The following KAT2B variants were observed in gnomAD, a reference collection of about 807,000 sequenced individuals.
KAT2B encodes lysine acetyltransferase 2B.
Under a neutral mutation model 105.9 loss-of-function variants are expected in KAT2B, and 36 were observed. That is an observed-to-expected ratio of 0.34 (90% CI 0.26 to 0.45). The LOEUF (loss-of-function observed/expected upper bound fraction) is 0.45, where lower values mean the gene tolerates loss of function less well. Ranked by LOEUF, KAT2B falls within the 20% of genes least tolerant of loss-of-function variation. The probability of loss-of-function intolerance (pLI) is 1.00; values close to 1 mark genes in which losing one functional copy is unlikely to be tolerated. For synonymous variants in KAT2B, 397 were observed against 377.9 expected (o/e 1.05, Z -0.59); for missense variants, 820 against 1,021.6 (o/e 0.80, Z 2.69).
At chr3:20,058,348 G>A (rs529561540) in intron 1 of KAT2B, among the ~76,000 whole-genome samples, 64 of 151,580 alleles carry the variant, frequency 4.2e-4, no homozygotes, top group African/African-American at 1.5e-3. Context: ...TCAGCTACTC[G>A]GGAGGCTGAG....
At chr3:20,060,596 T>A (rs1389928099) in intron 1 of KAT2B, among the ~76,000 whole-genome samples, 1 of 147,406 alleles carries the variant, frequency 6.8e-6, no homozygotes, top group Non-Finnish European at 1.5e-5. Flanking sequence ...AGAGAAACTC[T>A]GTCTAAAAAC....
chr3:20,118,820 A>C (rs1185717399), intron 7 of KAT2B, among the ~76,000 whole-genome samples: 1 of 148,118 alleles, frequency 6.8e-6, no homozygotes, highest in East Asian at 1.9e-4. Flanking sequence ...TATTATATAT[A>C]TTTTTTCTCC....
intron 11 of KAT2B, among the ~76,000 whole-genome samples, 160 bp downstream of exon 11, chr3:20,127,709 C>G (rs1575150088): frequency 6.6e-6 from 1 of 152,216 alleles, no homozygotes; most frequent in African/African-American, 2.4e-5. Flanking sequence ...TGGTCTCCAA[C>G]CTTTTTGGCA....
intron 2 of KAT2B, 38 bp downstream of exon 2, chr3:20,072,497 C>T (rs3749180): frequency 1.3e-6 from 2 of 1,598,268 alleles, no homozygotes; most frequent in South Asian, 2.2e-5. Context: ...ATAACGAGTT[C>T]ATTGTAGCGT....
intron 2 of KAT2B, among the ~76,000 whole-genome samples, chr3:20,079,428 T>C (rs1236746839): frequency 6.6e-6 from 1 of 152,044 alleles, no homozygotes; most frequent in Non-Finnish European, 1.5e-5. Flanking sequence ...GGTCTCAAAC[T>C]CCTGACCTCA....
At chr3:20,123,823 T>G (rs1028773194) in intron 9 of KAT2B, among the ~76,000 whole-genome samples, 3 of 152,190 alleles carry the variant, frequency 2.0e-5, no homozygotes, top group Non-Finnish European at 4.4e-5. Context: ...GTTGATTGTT[T>G]ACTAAGGATT....
At chr3:20,064,595 C>T (rs1698193483) in intron 1 of KAT2B, among the ~76,000 whole-genome samples, 1 of 152,226 alleles carries the variant, frequency 6.6e-6, no homozygotes, top group East Asian at 1.9e-4. Context: ...ACCACAGTGC[C>T]AGTTACCTGC....
chr3:20,079,828 A>G (rs548535276), intron 2 of KAT2B, among the ~76,000 whole-genome samples: 7 of 152,212 alleles, frequency 4.6e-5, no homozygotes, highest in East Asian at 1.9e-4. Flanking sequence ...CTGGATGTCC[A>G]CTGCTGGCTA....
intron 3 of KAT2B, among the ~76,000 whole-genome samples, chr3:20,099,451 T>C (rs11128937): frequency 0.21 from 32,460 of 151,924 alleles, 4,534 homozygotes; most frequent in East Asian, 0.43. Flanking sequence ...AGCACACCTA[T>C]AGTGGCCTGG....
chr3:20,046,093 A>C (rs973750522), intron 1 of KAT2B, among the ~76,000 whole-genome samples: 4 of 152,226 alleles, frequency 2.6e-5, no homozygotes, highest in Non-Finnish European at 5.9e-5. Flanking sequence ...AAAAGAAAAA[A>C]GTGTCCCCAG....
chr3:20,056,174 G>C (rs1224052735), intron 1 of KAT2B, among the ~76,000 whole-genome samples: 2 of 152,168 alleles, frequency 1.3e-5, no homozygotes, highest in Non-Finnish European at 2.9e-5. Flanking sequence ...TTATAGTCTA[G>C]GTATGAGTAG....
chr3:20,063,534 C>CTTTTTTTT lies in KAT2B; in HGVS notation c.304-8776_304-8769dup, dbSNP rs36058009. On this transcript the variant is annotated intron_variant, in intron 1 of 17. Transcript: ENST00000263754. ...CTCACAGCAACTTCTGAGTAGGCCTCTTTTTTTTTTTTTTTTTTTTTTTTT... is the reference window on the plus strand; with the variant it reads ...CTCACAGCAACTTCTGAGTAGGCCTCTTTTTTTTTTTTTTTTTTTTTTTTTTTTTTTTT... Among the ~76,000 whole-genome samples, 21 of 88,822 alleles carry CTTTTTTTT rather than the reference C, an allele frequency of 2.4e-4. 3 individuals are homozygous for CTTTTTTTT. The highest frequency in any genetic ancestry group is 4.0e-4 in the Non-Finnish European group (18 of 45,378). The allele number at this position is 88,822 out of a possible 152,430, so 58.3% of individuals were successfully genotyped here. A position where few individuals can be genotyped will look rare whatever the true frequency, so the allele number is the denominator to read the frequency against.
intron 6 of KAT2B, 31 bp downstream of exon 6, chr3:20,111,818 G>T (rs1418584276): frequency 6.4e-7 from 1 of 1,570,470 alleles, no homozygotes; most frequent in Non-Finnish European, 8.7e-7. Context: ...GTCTTTGTTT[G>T]ATCCCAGAGC....
intron 2 of KAT2B, 106 bp from the exon 3 acceptor site, chr3:20,095,157 A>G (rs1203006268): frequency 3.4e-6 from 3 of 878,352 alleles, no homozygotes; most frequent in Non-Finnish European, 5.3e-6. Flanking sequence ...CAGTGAACTT[A>G]AAGGATTGAT....
intron 3 of KAT2B, among the ~76,000 whole-genome samples, chr3:20,096,808 C>T (rs1698819268): frequency 6.6e-6 from 1 of 151,962 alleles, no homozygotes; most frequent in Non-Finnish European, 1.5e-5. Context: ...TGCCTTTCCC[C>T]CTTTTTATTA....
chr3:20,106,360 A>T (rs148768607), intron 5 of KAT2B, among the ~76,000 whole-genome samples: 19 of 152,340 alleles, frequency 1.2e-4, no homozygotes, highest in Non-Finnish European at 2.4e-4. Flanking sequence ...ACATGTGCTC[A>T]TGCACGTCCG....
intron 5 of KAT2B, among the ~76,000 whole-genome samples, chr3:20,107,629 C>A (rs1203340157): frequency 2.7e-5 from 4 of 146,376 alleles, no homozygotes; most frequent in Admixed American, 1.4e-4. Flanking sequence ...TGCCCTCCAG[C>A]CTGGGGCACA....
At chr3:20,073,725 T>TA (rs371009552) in intron 2 of KAT2B, among the ~76,000 whole-genome samples, 62,440 of 151,510 alleles carry the variant, frequency 0.41, 13,096 homozygotes, top group South Asian at 0.49. Flanking sequence ...AAAAAATAAA[T>TA]AAATAAAACA....
intron 1 of KAT2B, among the ~76,000 whole-genome samples, chr3:20,051,448 A>G (rs1283505022): frequency 1.3e-5 from 2 of 152,204 alleles, no homozygotes; most frequent in Non-Finnish European, 2.9e-5. Flanking sequence ...TGGTTCTGGA[A>G]GATGACTAGA....
Sources: allele counts gnomAD v4.1 joint callset (sites outside exome capture counted in the v4.1 genomes callset), GRCh38; gene constraint gnomAD v4.1.1; transcripts MANE v1.5; gene names NCBI Gene and HGNC (gene_info 2026-07-23, HGNC 2026-07-21).